ARSL: variants seen among roughly 807,000 people sequenced by gnomAD.
The protein encoded by ARSL is arylsulfatase L.
Under a neutral mutation model 31.1 loss-of-function variants are expected in ARSL, and 4 were observed. That is an observed-to-expected ratio of 0.13 (90% CI 0.06 to 0.29). The LOEUF (loss-of-function observed/expected upper bound fraction) is 0.29, where lower values mean the gene tolerates loss of function less well. ARSL is among the 10% of genes least tolerant of loss of function. The pLI, the probability that ARSL is intolerant of heterozygous loss-of-function variation, is 1.00. For synonymous variants in ARSL, 198 were observed against 209.9 expected (o/e 0.94, Z 0.49); for missense variants, 312 against 497.8 (o/e 0.63, Z 3.55).
At chrX:2,944,041 T>C (rs937460158) in intron 7 of ARSL, among the ~76,000 whole-genome samples, 1 of 109,808 alleles carries the variant, frequency 9.1e-6, no homozygotes, top group Non-Finnish European at 1.9e-5. Flanking sequence ...TAGCCGGGTG[T>C]GGTAGTGCAC....
At chrX:2,951,800 TAA>T (rs35592318) in intron 5 of ARSL, among the ~76,000 whole-genome samples, 37 of 84,162 alleles carry the variant, frequency 4.4e-4, no homozygotes, top group Non-Finnish European at 6.5e-4. Context: ...GTACCCTGTT[TAA>T]AAAAAAAAAA....
chrX:2,936,059 C>T (rs1423905804), intron 10 of ARSL, among the ~76,000 whole-genome samples: 2 of 110,916 alleles, frequency 1.8e-5, no homozygotes, highest in Non-Finnish European at 3.8e-5. Context: ...GGAGACCAGG[C>T]GTGGTGGCTC....
chrX:2,956,611 G>A (rs2089527290), intron 3 of ARSL, among the ~76,000 whole-genome samples: 2 of 110,244 alleles, frequency 1.8e-5, no homozygotes, highest in African/African-American at 3.3e-5. Flanking sequence ...ACAGGTGCCC[G>A]CCACCATGCC....
chrX:2,958,458 C>G (rs1226159128), intron 2 of ARSL, 23 bp from the exon 3 acceptor site: 8 of 1,210,696 alleles, frequency 6.6e-6, no homozygotes, highest in Non-Finnish European at 7.8e-6. Context: ...GCGTCATGCT[C>G]CTGTCCATCT....
chrX:2,946,195 G>T, intron 6 of ARSL, 61 bp from the exon 7 acceptor site: 1 of 1,085,104 alleles, frequency 9.2e-7, no homozygotes, highest in Non-Finnish European at 1.3e-6. Context: ...TTGAAGTCCT[G>T]TAGATACTAA....
At chrX:2,961,016 T>G (rs1187845963) in intron 1 of ARSL, among the ~76,000 whole-genome samples, 1 of 110,774 alleles carries the variant, frequency 9.0e-6, no homozygotes, top group East Asian at 2.8e-4. Context: ...GCCCAGGAGG[T>G]CCAGACTTGA....
At chrX:2,944,464 CAA>C (rs1301560878) in intron 7 of ARSL, among the ~76,000 whole-genome samples, 1,724 of 45,422 alleles carry the variant, frequency 0.038, 34 homozygotes, top group African/African-American at 0.092. Flanking sequence ...AAAAAAAAAA[CAA>C]AAAAAACAAA....
At chrX:2,940,738 C>G (rs758639903) in intron 8 of ARSL, among the ~76,000 whole-genome samples, 1 of 110,124 alleles carries the variant, frequency 9.1e-6, no homozygotes, top group South Asian at 3.9e-4. Flanking sequence ...GAGTTTGAGA[C>G]CAGCCTGGGC....
At chrX:2,968,118 T>TGTAAGAAGAAGCCC, upstream of ARSL, 1 of 1,155,309 alleles carries the variant, frequency 8.7e-7, no homozygotes, top group Non-Finnish European at 1.1e-6. Flanking sequence ...AAAGCCGGCC[T>TGTAAGAAGAAGCCC]GTAAGAAGAA....
intron 5 of ARSL, among the ~76,000 whole-genome samples, chrX:2,951,880 T>C (rs1177428050): frequency 7.5e-5 from 4 of 53,081 alleles, no homozygotes; most frequent in Non-Finnish European, 2.2e-4. Context: ...ATTTGTTTTT[T>C]TTTTTTTTTT....
chrX:2,961,865 T>G (rs5982941), intron 1 of ARSL, among the ~76,000 whole-genome samples: 2,186 of 109,427 alleles, frequency 0.02, 59 homozygotes, highest in African/African-American at 0.069. Context: ...AGGGTTTTTT[T>G]TTTTTTTTTT....
intron 7 of ARSL, among the ~76,000 whole-genome samples, chrX:2,944,568 A>T (rs1039041179): frequency 2.8e-5 from 3 of 105,851 alleles, no homozygotes; most frequent in Non-Finnish European, 5.9e-5. Flanking sequence ...TGAGGAAACA[A>T]TTTTTTTTTT....
Position 2,935,172 on chromosome X carries a change from A to G in ARSL, c.1430T>C (p.Val477Ala). The change falls in exon 11 of 11, where the codon GTC (valine) becomes GCC (alanine). Residue 477 changes from valine to alanine, a missense_variant. Val to Ala is a moderately conservative substitution (Grantham distance 64). Transcript: ENST00000381134. ...CTGGAACACAGGCGTCACAAAGTGG[A>G]CTTTCCACATTGTTCCTCCTGGTGG... ...HQRDRGTMWKVHFVTPVFQPE... is the reference protein window; with the variant it reads ...HQRDRGTMWKAHFVTPVFQPE... The G allele has an allele frequency of 8.3e-7, 1 of 1,211,214 alleles. No homozygotes were observed. The highest frequency in any genetic ancestry group is 1.1e-6 in the Non-Finnish European group (1 of 895,131).
At position 2,949,703 on chromosome X, in the gene ARSL, C is replaced by G. The variant is rs1204479275; in HGVS notation, c.455G>C (p.Cys152Ser). The G allele has an allele frequency of 8.3e-7, 1 of 1,211,331 alleles. No individual in the cohort carries two copies. The highest frequency in any genetic ancestry group is 2.2e-5 in the Admixed American group (1 of 45,971). Residue 152 changes from cysteine to serine, a missense_variant, in exon 6 of 11, where the codon TGT becomes TCT. Cys to Ser is a moderately radical substitution (Grantham distance 112, BLOSUM62 -1). Coordinates refer to ENST00000381134, the MANE Select transcript of ARSL (RefSeq NM_000047.3). ...LIGKWHLGLNCESASDHCHHP... is the reference protein window; with the variant it reads ...LIGKWHLGLNSESASDHCHHP... ...GTGGCAATGATCACTGGCTGACTCA[C>G]AGTTGAGACCCAGATGCCATTTTCC...
rs1439488305 is a variant in ARSL, at chrX:2,943,575, C to A, written c.992-376G>T. On this transcript the variant is annotated intron_variant, in intron 7 of 10. Coordinates refer to ENST00000381134, the MANE Select transcript of ARSL (RefSeq NM_000047.3). ...TGGCCAACATGATGAAACTACATCTCTACTAAAAATACAAAAATTAGCCGG... is the reference window on the plus strand; with the variant it reads ...TGGCCAACATGATGAAACTACATCTATACTAAAAATACAAAAATTAGCCGG... Among the ~76,000 whole-genome samples the A allele has an allele frequency of 3.7e-5, 4 of 108,088 alleles. No individual in the cohort carries two copies. In the East Asian group the frequency reaches 1.2e-3, roughly 31 times the overall value. 93.9% of individuals were successfully genotyped at this position (108,088 alleles called of 115,157 possible). A position where few individuals can be genotyped will look rare whatever the true frequency, so the allele number is the denominator to read the frequency against.
chrX:2,945,030 G>T (rs1006854063), intron 7 of ARSL, among the ~76,000 whole-genome samples: 2 of 108,945 alleles, frequency 1.8e-5, no homozygotes, highest in Non-Finnish European at 3.8e-5. Context: ...GAAGAAGAGG[G>T]GGAGGAGGAG....
intron 1 of ARSL, among the ~76,000 whole-genome samples, chrX:2,963,796 G>C (rs1454519263): frequency 1.9e-5 from 2 of 106,793 alleles, no homozygotes; most frequent in African/African-American, 6.8e-5. Context: ...CACCCGCCTC[G>C]ACCTCCCAAA....
chrX:2,958,457 T>C, intron 2 of ARSL, 22 bp from the exon 3 acceptor site: 1 of 1,210,849 alleles, frequency 8.3e-7, no homozygotes, highest in Non-Finnish European at 1.1e-6. Context: ...TGCGTCATGC[T>C]CCTGTCCATC....
At chrX:2,948,183 C>G (rs1204838167) in intron 6 of ARSL, among the ~76,000 whole-genome samples, 1 of 111,694 alleles carries the variant, frequency 9.0e-6, no homozygotes, top group Non-Finnish European at 1.9e-5. Context: ...CTCATTGTCA[C>G]CAGGTAAGGT....
Sources: allele counts gnomAD v4.1 joint callset (sites outside exome capture counted in the v4.1 genomes callset), GRCh38; gene constraint gnomAD v4.1.1; transcripts MANE v1.5; gene names NCBI Gene and HGNC (gene_info 2026-07-23, HGNC 2026-07-21).